Variants in SLC41A3 observed in about 807,000 individuals in gnomAD.
The protein encoded by SLC41A3 is solute carrier family 41 member 3.
Under a neutral mutation model 45.4 loss-of-function variants are expected in SLC41A3, and 44 were observed. The observed-to-expected ratio is 0.97, with a 90% CI of 0.76 to 1.25. The LOEUF (loss-of-function observed/expected upper bound fraction) is 1.25, where lower values mean the gene tolerates loss of function less well. SLC41A3 is among the 50% of genes most tolerant of loss of function. The pLI, the probability that SLC41A3 is intolerant of heterozygous loss-of-function variation, is 0.00. For synonymous variants in SLC41A3, 256 were observed against 252.4 expected, an observed-to-expected ratio of 1.01 and a Z score of -0.13; for missense variants, 550 against 600.6, an observed-to-expected ratio of 0.92 and a Z score of 0.88.
intron 1 of SLC41A3, chr3:126,083,840 C>T (rs993957450): frequency 1.3e-5 from 2 of 151,212 alleles, no homozygotes; most frequent in Non-Finnish European, 3.0e-5. Context: ...TGGCCCCACC[C>T]CGCCCCAGGC....
chr3:126,085,554 C>T (rs1173893729), upstream of SLC41A3: 8 of 152,180 alleles, frequency 5.3e-5, no homozygotes, highest in Admixed American at 4.6e-4. Flanking sequence ...GACAGTCCTT[C>T]GTTTAGTGTG....
chr3:126,042,807 G>C (rs1157006374), intron 3 of SLC41A3, among the ~76,000 whole-genome samples: 2 of 152,054 alleles, frequency 1.3e-5, no homozygotes, highest in East Asian at 3.9e-4. Flanking sequence ...AAAGTCTGAA[G>C]AATGAGCAAA....
At chr3:126,013,688 G>T (rs3804586) in intron 8 of SLC41A3, among the ~76,000 whole-genome samples, 43,336 of 151,964 alleles carry the variant, frequency 0.29, 6,337 homozygotes, top group African/African-American at 0.33. Context: ...GTCTGAGAGC[G>T]TTGAAGAAAA....
chr3:126,076,905 G>A (rs769761239), intron 1 of SLC41A3, among the ~76,000 whole-genome samples: 3 of 152,052 alleles, frequency 2.0e-5, no homozygotes, highest in South Asian at 2.1e-4. Flanking sequence ...CCATGCTGCC[G>A]AATCTATTTT....
At chr3:126,066,472 G>A (rs6438965) in intron 2 of SLC41A3, among the ~76,000 whole-genome samples, 99,673 of 152,050 alleles carry the variant, frequency 0.66, 32,918 homozygotes, top group Middle Eastern at 0.72. Flanking sequence ...AACTTGTTAG[G>A]CATCAAGAGA....
chr3:126,013,228 A>G (rs762156592), intron 8 of SLC41A3, among the ~76,000 whole-genome samples: 1 of 151,768 alleles, frequency 6.6e-6, no homozygotes, highest in Non-Finnish European at 1.5e-5. Context: ...TTTTCACTCA[A>G]GGTGGGAAGG....
intron 1 of SLC41A3, among the ~76,000 whole-genome samples, chr3:126,099,194 G>T (rs1389947351): frequency 6.6e-6 from 1 of 152,112 alleles, no homozygotes; most frequent in Non-Finnish European, 1.5e-5. Context: ...CTTTGCAATT[G>T]AATCTCAGGT....
chr3:126,091,854 CAA>C lies in SLC41A3; in HGVS notation c.-79+9573_-79+9574del, dbSNP rs558603913. On this transcript the variant is annotated intron_variant, in intron 1 of 9. Transcript: ENST00000508835. Reference sequence around the variant, plus strand: ...CTGTCATGTTGGTGTCTTATTGCTACAAAGAGTCTGCTCTGTCAATCTGAAGG... The same window carrying C: ...CTGTCATGTTGGTGTCTTATTGCTACAGAGTCTGCTCTGTCAATCTGAAGG... Among the ~76,000 whole-genome samples, 7 of 152,262 alleles carry C rather than the reference CAA, an allele frequency of 4.6e-5. No individual in the cohort carries two copies. In the East Asian group the frequency reaches 1.3e-3, roughly 29 times the overall value.
intron 1 of SLC41A3, 118 bp from the exon 2 acceptor site, chr3:126,068,364 C>T: frequency 1.1e-6 from 1 of 898,248 alleles, no homozygotes; most frequent in Non-Finnish European, 1.5e-6. Flanking sequence ...CAACCCACAG[C>T]CCTTACTCAG....
Position 126,008,442 on chromosome 3 carries a change from T to C in SLC41A3, c.1254+290A>G, listed in dbSNP as rs538474382. On this transcript the variant is annotated intron_variant, in intron 10 of 10. Transcript: ENST00000360370. Reference sequence around the variant, plus strand: ...GTGTTGTGGAGTGTGTGGTGTGAAGTGTGTGGTGTGGAGTGTGTGGGGTAC... The same window carrying C: ...GTGTTGTGGAGTGTGTGGTGTGAAGCGTGTGGTGTGGAGTGTGTGGGGTAC... 4.2e-4 allele frequency among the ~76,000 whole-genome samples: 63 copies of C among 151,534 alleles called. 1 individual carries two copies. The highest frequency in any genetic ancestry group is 7.8e-4 in the Non-Finnish European group (53 of 67,836).
chr3:126,010,463 C>A (rs929245575), intron 9 of SLC41A3, among the ~76,000 whole-genome samples: 2 of 152,144 alleles, frequency 1.3e-5, no homozygotes, highest in Non-Finnish European at 2.9e-5. Context: ...CAGAGTGAGA[C>A]CCTGTCTCAA....
rs755441611 is a variant in SLC41A3 at position 126,026,399 on chromosome 3, G to A, written c.534C>T (p.Val178=). The A allele has an allele frequency of 1.8e-5, 28 of 1,590,234 alleles. No individual in the cohort carries two copies. The highest frequency in any genetic ancestry group is 6.8e-5 in the East Asian group (3 of 43,898). The change falls in exon 5 of 11, where the codon GTC becomes GTT. Residue 178 remains valine (V), a synonymous_variant. Coordinates refer to ENST00000360370, the MANE Select transcript of SLC41A3 (RefSeq NM_017836.4). This position sits in a 1 kb window ranked among gnomAD's most constrained non-coding sequence, Gnocchi z 4.2. The part of the protein sequence containing the change: ...LGVVSREEVD[V]AKVELLCASS... ...TGGCACACAGCAACTCCACCTTGGC[G>A]ACATCCACTTCCTCTCGAGACACCA...
At chr3:126,055,534 T>C (rs1943599964) in intron 2 of SLC41A3, among the ~76,000 whole-genome samples, 1 of 152,050 alleles carries the variant, frequency 6.6e-6, no homozygotes, top group Admixed American at 6.5e-5. Flanking sequence ...AAAGCAAAAC[T>C]GCATACTATA....
intron 4 of SLC41A3, among the ~76,000 whole-genome samples, chr3:126,032,198 G>C (rs1393911034): frequency 6.6e-6 from 1 of 152,226 alleles, no homozygotes; most frequent in Admixed American, 6.5e-5. Context: ...TTGGACGAGA[G>C]GAGCCAGTGA....
At chr3:126,022,749 C>T (rs3817079) in intron 6 of SLC41A3, 37 bp downstream of exon 6, 457,622 of 1,610,434 alleles carry the variant, frequency 0.28, 68,195 homozygotes, top group African/African-American at 0.52. Flanking sequence ...CCCCCCTCCA[C>T]GGAGCCTTTG....
Position 126,008,799 on chromosome 3 carries a change from A to T in SLC41A3, c.1187T>A (p.Val396Glu). The change falls in exon 10 of 11, where the codon GTG becomes GAG. Residue 396 changes from valine to glutamate, a missense_variant. Transcript: ENST00000360370. ...GCTGTTTATGACTGACTGACCCTCCACCAGGTAGATGATGTAGAAGAAAAT... is the reference window on the plus strand; with the variant it reads ...GCTGTTTATGACTGACTGACCCTCCTCCAGGTAGATGATGTAGAAGAAAAT... ...HLIFFYIIYL[V>E]EGQSVINSQT... The T allele has an allele frequency of 6.2e-7, 1 of 1,614,152 alleles. No individual in the cohort carries two copies.
At chr3:126,017,771 A>T (rs1005127540) in intron 6 of SLC41A3, among the ~76,000 whole-genome samples, 21 of 152,132 alleles carry the variant, frequency 1.4e-4, no homozygotes, top group Admixed American at 6.5e-5. Context: ...TATCAGGAAC[A>T]TCCGCTCCTT....
chr3:126,048,646 TTC>T (rs1490304505), intron 3 of SLC41A3, among the ~76,000 whole-genome samples: 1 of 152,226 alleles, frequency 6.6e-6, no homozygotes, highest in Non-Finnish European at 1.5e-5. Context: ...TAAAATATTC[TTC>T]TGTTTCAAGT....
At chr3:126,038,405 G>T (rs1942359396) in intron 3 of SLC41A3, among the ~76,000 whole-genome samples, 1 of 152,244 alleles carries the variant, frequency 6.6e-6, no homozygotes, top group African/African-American at 2.4e-5. Context: ...ACCCTGGAAA[G>T]CCACAGGGGT....
Sources: gnomAD v4.1 joint callset for allele counts (sites outside exome capture counted in the v4.1 genomes callset) on GRCh38, gnomAD v4.1.1 for gene constraint, Gnocchi (gnomAD v3.1) non-coding constraint, MANE v1.5 for transcripts, NCBI Gene and HGNC (gene_info 2026-07-23, HGNC 2026-07-21) for gene names.